The following SDK1 variants were observed in gnomAD, a reference collection of about 807,000 sequenced individuals.
The protein encoded by SDK1 is protein sidekick-1.
In SDK1, 157 loss-of-function variants were observed where a neutral mutation model predicts 245.5. The ratio of observed to expected loss-of-function variants is 0.64; its 90% confidence interval spans 0.56 to 0.73. The LOEUF (loss-of-function observed/expected upper bound fraction) is 0.73, where lower values mean the gene tolerates loss of function less well. SDK1 is among the 30% of genes least tolerant of loss of function. SDK1 has a pLI of 0.00. For missense variants in SDK1, 3,583 were observed against 3,002.3 expected (o/e 1.19, Z -4.52); for synonymous variants, 1,647 against 1,278.5 (o/e 1.29, Z -6.15).
At chr7:3,829,136 T>TGAAATAGTAAAACATTAAACTATACC (rs1779853197) in intron 5 of SDK1, among the ~76,000 whole-genome samples, 1 of 152,240 alleles carries the variant, frequency 6.6e-6, no homozygotes, top group Non-Finnish European at 1.5e-5. Context: ...TAAAATATAC[T>TGAAATAGTAAAACATTAAACTATACC]GAAATAGTAA....
At chr7:3,527,700 G>A (rs557047628) in intron 1 of SDK1, among the ~76,000 whole-genome samples, 73 of 151,574 alleles carry the variant, frequency 4.8e-4, no homozygotes, top group Middle Eastern at 3.4e-3. Flanking sequence ...AGGTGAGGCT[G>A]GATGATAGCC....
At chr7:4,078,219 G>A (rs964630297) in intron 21 of SDK1, among the ~76,000 whole-genome samples, 11 of 152,052 alleles carry the variant, frequency 7.2e-5, no homozygotes, top group African/African-American at 2.4e-4. Context: ...GCTGGAGAGG[G>A]GTCTTAAAGC....
chr7:3,884,709 A>C (rs1014975796), intron 5 of SDK1, among the ~76,000 whole-genome samples: 6 of 152,216 alleles, frequency 3.9e-5, no homozygotes, highest in Non-Finnish European at 7.3e-5. Context: ...TCCAGCTCCC[A>C]GGAACTACAG....
chr7:3,338,958 C>T (rs1444529686), intron 1 of SDK1, among the ~76,000 whole-genome samples: 10 of 152,198 alleles, frequency 6.6e-5, no homozygotes, highest in African/African-American at 2.4e-4. Flanking sequence ...TTAGGCTTGT[C>T]ATACTAATAA....
chr7:4,125,086 T>TA, intron 25 of SDK1, among the ~76,000 whole-genome samples: 1 of 146,134 alleles, frequency 6.8e-6, no homozygotes, highest in African/African-American at 2.6e-5. Flanking sequence ...GATGGATGGA[T>TA]GATGGATGGA....
At chr7:3,637,416 T>G (rs1440691872) in intron 2 of SDK1, among the ~76,000 whole-genome samples, 3 of 152,320 alleles carry the variant, frequency 2.0e-5, no homozygotes, top group African/African-American at 7.2e-5. Context: ...TTTTGGATAT[T>G]AGCTCTTAGC....
intron 28 of SDK1, among the ~76,000 whole-genome samples, chr7:4,137,512 G>C (rs1354748623): frequency 6.6e-6 from 1 of 152,160 alleles, no homozygotes; most frequent in African/African-American, 2.4e-5. Flanking sequence ...TCTGGATTCT[G>C]ATTGTCTAAA....
intron 19 of SDK1, among the ~76,000 whole-genome samples, chr7:4,059,942 C>T (rs1202275078): frequency 6.6e-6 from 1 of 150,576 alleles, no homozygotes; most frequent in East Asian, 2.0e-4. Flanking sequence ...TGCAGTGGCG[C>T]AGTCTCGGCT....
At chr7:3,367,523 G>C (rs894604140) in intron 1 of SDK1, among the ~76,000 whole-genome samples, 3 of 152,066 alleles carry the variant, frequency 2.0e-5, no homozygotes, top group Admixed American at 2.0e-4. Context: ...TCCCATACTT[G>C]TCATTTGTAA....
intron 5 of SDK1, among the ~76,000 whole-genome samples, chr7:3,915,783 C>G (rs898196816): frequency 6.6e-6 from 1 of 152,196 alleles, no homozygotes. Context: ...TGCTGACTGA[C>G]TGGGTTTTAC....
intron 1 of SDK1, among the ~76,000 whole-genome samples, chr7:3,386,674 G>GC (rs1781617443): frequency 6.6e-6 from 1 of 152,126 alleles, no homozygotes; most frequent in South Asian, 2.1e-4. Flanking sequence ...TGAAAATCAA[G>GC]CCCAGATTTT....
At chr7:3,827,687 G>GT (rs1448032683) in intron 5 of SDK1, among the ~76,000 whole-genome samples, 14 of 152,308 alleles carry the variant, frequency 9.2e-5, no homozygotes, top group African/African-American at 3.4e-4. Context: ...CCCTTTGCAG[G>GT]TGCAGGGCCA....
chr7:3,715,013 TGAA>T (rs1257815563), intron 4 of SDK1, among the ~76,000 whole-genome samples: 1 of 152,166 alleles, frequency 6.6e-6, no homozygotes, highest in Non-Finnish European at 1.5e-5. Flanking sequence ...AAAAAATAAA[TGAA>T]GAATCAAGTA....
At position 4,265,710 on chromosome 7, in the gene SDK1, C is replaced by G. The variant is rs1210773297; in HGVS notation, c.*326C>G. ...CCCCAGCCCTGGGTTTCTCCGTCTT[C>G]AAGACCAACTAGGAAGGGTCAAGCG... On this transcript the variant is annotated 3_prime_UTR_variant, in exon 45 of 45. Transcript: ENST00000404826. 1.8e-6 allele frequency: 2 copies of G among 1,112,972 alleles called. No individual in the cohort carries two copies. The highest frequency in any genetic ancestry group is 2.2e-6 in the Non-Finnish European group (2 of 915,796). 68.9% of individuals were successfully genotyped at this position (1,112,972 alleles called of 1,614,324 possible).
rs183757021 is a variant in SDK1, at chr7:3,555,316, G to T, written c.299-63764G>T. Among the ~76,000 whole-genome samples, 7 of 152,254 alleles carry T rather than the reference G, an allele frequency of 4.6e-5. No individual in the cohort carries two copies. The East Asian group carries it at 1.3e-3, about 29-fold the overall frequency. On this transcript the variant is annotated intron_variant, in intron 1 of 44. Transcript: ENST00000404826. ...AACTCACTTTTGACAAAGGTGCCAA[G>T]AATATACATTGGGGAAAGGACACTC... is the stretch of plus-strand genomic sequence containing the variant.
intron 40 of SDK1, 149 bp from the exon 41 acceptor site, chr7:4,233,106 C>G: frequency 4.6e-6 from 3 of 657,600 alleles, no homozygotes; most frequent in Non-Finnish European, 7.8e-6. Context: ...ACTGAGACTC[C>G]GTCCCCATTC....
At chr7:3,528,772 G>A (rs1254043886) in intron 1 of SDK1, among the ~76,000 whole-genome samples, 1 of 152,020 alleles carries the variant, frequency 6.6e-6, no homozygotes, top group Non-Finnish European at 1.5e-5. Flanking sequence ...CCTACATTTT[G>A]CCCTGAGCAA....
chr7:3,505,529 G>C (rs770031840), intron 1 of SDK1, among the ~76,000 whole-genome samples: 2 of 152,068 alleles, frequency 1.3e-5, no homozygotes, highest in Non-Finnish European at 2.9e-5. Flanking sequence ...ATGGTGATAG[G>C]CATGAGCCAC....
intron 4 of SDK1, among the ~76,000 whole-genome samples, chr7:3,691,719 C>T (rs1784441417): frequency 6.6e-6 from 1 of 152,180 alleles, no homozygotes; most frequent in Non-Finnish European, 1.5e-5. Flanking sequence ...GGTCTAGTTT[C>T]AGGTGTGAAT....
Sources: allele counts gnomAD v4.1 joint callset (sites outside exome capture counted in the v4.1 genomes callset), GRCh38; gene constraint gnomAD v4.1.1; transcripts MANE v1.5; gene names NCBI Gene and HGNC (gene_info 2026-07-23, HGNC 2026-07-21).